The following PCDHA6 variants were observed in gnomAD, a reference collection of about 807,000 sequenced individuals.
PCDHA6 encodes the protein protocadherin alpha 6, also known as protocadherin alpha-6.
In PCDHA6, 55 loss-of-function variants were observed where a neutral mutation model predicts 60.3. The ratio of observed to expected loss-of-function variants is 0.91; its 90% CI spans 0.73 to 1.14. PCDHA6 has a LOEUF of 1.14. PCDHA6 is among the 50% of genes most tolerant of loss of function. The probability of loss-of-function intolerance (pLI) is 0.00; values close to 1 mark genes in which losing one functional copy is unlikely to be tolerated. For synonymous variants in PCDHA6, 652 were observed against 557.9 expected, an observed-to-expected ratio of 1.17 and a Z score of -2.38; for missense variants, 1,327 against 1,256.5, an observed-to-expected ratio of 1.06 and a Z score of -0.85.
intron 3 of PCDHA6, among the ~76,000 whole-genome samples, chr5:141,007,395 C>CAA (rs35800918): frequency 2.8e-4 from 27 of 94,848 alleles, no homozygotes; most frequent in South Asian, 7.0e-4. Context: ...TACTAAAATA[C>CAA]AAAAAAAAAA....
chr5:140,875,876 A>C, intron 1 of PCDHA6: 1 of 1,614,178 alleles, frequency 6.2e-7, no homozygotes, highest in South Asian at 1.1e-5. Flanking sequence ...GTGTTCAGAG[A>C]AAGGGAACAA....
chr5:140,878,060 T>C (rs1251415258), intron 1 of PCDHA6: 2 of 426,090 alleles, frequency 4.7e-6, no homozygotes, highest in Non-Finnish European at 7.6e-6. Flanking sequence ...CCACACTTAA[T>C]ATTTTTCTTT....
At position 141,010,447 on chromosome 5, in the gene PCDHA6, A is replaced by G. The variant is rs1343052000; in HGVS notation, c.*510A>G. On this transcript the variant is annotated 3_prime_UTR_variant, in exon 4 of 4. Coordinates refer to ENST00000529310, the MANE Select transcript of PCDHA6 (RefSeq NM_018909.4). Reference sequence around the variant, plus strand: ...GGCAAGAAAACAAAGACAAATAAACAGCGGAAGTTATCAGTATGGAGGGGA... The same window carrying G: ...GGCAAGAAAACAAAGACAAATAAACGGCGGAAGTTATCAGTATGGAGGGGA... 2 of 935,278 alleles carry G rather than the reference A, an allele frequency of 2.1e-6. No homozygotes were observed. Among genetic ancestry groups the G allele is most frequent in the Non-Finnish European group, 3.1e-6 (2 of 648,428 alleles). The allele number at this position is 935,278 out of a possible 1,614,324, so 57.9% of individuals were successfully genotyped here.
In PCDHA6 at chr5:141,009,476, C is replaced by G. The variant is rs970744618; in HGVS notation, c.2543-151C>G. ...TTAAACAAATAAATAAATAAGTAAA[C>G]ACTTGCCTTGCCCTCAGACTTGAAC... On this transcript the variant is annotated intron_variant, in intron 3 of 3. Coordinates refer to ENST00000529310, the MANE Select transcript of PCDHA6 (RefSeq NM_018909.4). 2.3e-5 allele frequency: 32 copies of G among 1,420,036 alleles called. No individual in the cohort carries two copies. The East Asian group carries it at 7.2e-4, about 32-fold the overall frequency. 88.0% of individuals were successfully genotyped at this position (1,420,036 alleles called of 1,614,324 possible).
chr5:140,947,772 G>A (rs77655739), intron 1 of PCDHA6, among the ~76,000 whole-genome samples: 3,551 of 151,528 alleles, frequency 0.023, 49 homozygotes, highest in Middle Eastern at 0.034. Flanking sequence ...AAATTCTATT[G>A]TAAATGGATT....
intron 1 of PCDHA6, among the ~76,000 whole-genome samples, chr5:140,947,315 C>CGGTT (rs1443576978): frequency 4.0e-5 from 6 of 151,444 alleles, no homozygotes; most frequent in African/African-American, 1.5e-4. Flanking sequence ...TGTAAAAAGT[C>CGGTT]GGTTGACCAT....
chr5:140,848,619 G>T lies in PCDHA6; in HGVS notation c.2394+18134G>T, dbSNP rs545024019. The T allele has an allele frequency of 8.2e-6, 13 of 1,593,396 alleles. No homozygotes were observed. The highest frequency in any genetic ancestry group is 5.4e-5 in the African/African-American group (4 of 74,388). On this transcript the variant is annotated intron_variant, in intron 1 of 3. Coordinates refer to ENST00000529310, the MANE Select transcript of PCDHA6 (RefSeq NM_018909.4). ...CTCCGTCCCGGAGGAAGCCGAACAC[G>T]GCACCTTCGTGGGCCGCATCGCGCA...
At chr5:140,856,776 G>A in intron 1 of PCDHA6, 1 of 1,596,678 alleles carries the variant, frequency 6.3e-7, no homozygotes, top group Non-Finnish European at 8.6e-7. Context: ...ATCTTTGACA[G>A]ACCGGTTTAT....
intron 1 of PCDHA6, among the ~76,000 whole-genome samples, chr5:140,941,226 T>TCTTTCTTTCTTTCTTTCTTTCTTC (rs2092915713): frequency 1.5e-5 from 2 of 135,514 alleles, no homozygotes; most frequent in Admixed American, 7.6e-5. Flanking sequence ...TTTCTTTCTT[T>TCTTTCTTTCTTTCTTTCTTTCTTC]CTTTCTTTCT....
intron 1 of PCDHA6, chr5:140,884,510 T>C: frequency 3.1e-6 from 5 of 1,613,982 alleles, no homozygotes; most frequent in Non-Finnish European, 3.4e-6. Context: ...GGCAGGGAGT[T>C]GGTCGTACTC....
Position 140,829,700 on chromosome 5 carries a change from G to C in PCDHA6, c.1609G>C (p.Ala537Pro), listed in dbSNP as rs188962276. 1 of 1,613,364 alleles carries C rather than the reference G, an allele frequency of 6.2e-7. No individual in the cohort carries two copies. Among genetic ancestry groups the C allele is most frequent in the Admixed American group, 1.7e-5 (1 of 60,002 alleles). The change falls in exon 1 of 4, where the codon GCG becomes CCG. Residue 537 changes from alanine (A) to proline (P), a missense_variant. Transcript: ENST00000529310. ...ELELLQFQVS[A>P]RDAGVPPLGS... is the part of the protein sequence containing the mutation. ...AGAGCTGCTGCAGTTTCAGGTGAGC[G>C]CGCGCGACGCGGGCGTGCCGCCTCT...
Position 140,926,923 on chromosome 5 carries a change from T to C in PCDHA6, c.2395-52026T>C, listed in dbSNP as rs532425369. On this transcript the variant is annotated intron_variant, in intron 1 of 3. Transcript: ENST00000529310. ...GGGCTGTGGGGTGGCAGTTTTATGT[T>C]TGTGGGTTTCCTGCGGCGCTGCAGC... 35 of 1,571,554 alleles carry C rather than the reference T, an allele frequency of 2.2e-5. No homozygotes were observed. The East Asian group carries it at 6.5e-4, about 29-fold the overall frequency.
intron 1 of PCDHA6, chr5:140,966,979 C>T (rs1554229021): frequency 2.5e-6 from 4 of 1,603,612 alleles, no homozygotes; most frequent in Admixed American, 1.7e-5. Context: ...AGCTGCGGCG[C>T]TTGGGGCCGG....
At chr5:140,877,332 C>T (rs2057040352) in intron 1 of PCDHA6, 1 of 1,613,990 alleles carries the variant, frequency 6.2e-7, no homozygotes. Context: ...GCGCGCACAT[C>T]CCGTTCCACG....
chr5:140,903,415 A>T (rs1303652958), intron 1 of PCDHA6, among the ~76,000 whole-genome samples: 1 of 152,238 alleles, frequency 6.6e-6, no homozygotes, highest in East Asian at 1.9e-4. Flanking sequence ...GTCAGGAAAA[A>T]TTCAGCACAA....
chr5:140,941,241 T>TTCTTTCTTTCTTTC (rs1247398838), intron 1 of PCDHA6, among the ~76,000 whole-genome samples: 1 of 140,458 alleles, frequency 7.1e-6, no homozygotes, highest in Non-Finnish European at 1.5e-5. Flanking sequence ...CTTTCTTTCT[T>TTCTTTCTTTCTTTC]TCTTTCTTTC....
intron 1 of PCDHA6, chr5:140,841,994 A>T: frequency 6.2e-6 from 10 of 1,613,788 alleles, no homozygotes; most frequent in Non-Finnish European, 8.5e-6. Flanking sequence ...GCTCACAGGC[A>T]CTGTTCAGCT....
intron 1 of PCDHA6, chr5:140,927,270 C>G: frequency 6.2e-7 from 1 of 1,614,150 alleles, no homozygotes; most frequent in Non-Finnish European, 8.5e-7. Context: ...TCTTTCCTGC[C>G]GGCGACGTGC....
chr5:140,842,007 T>C (rs2150327218), intron 1 of PCDHA6: 2 of 1,613,612 alleles, frequency 1.2e-6, no homozygotes, highest in East Asian at 2.2e-5. Flanking sequence ...GTTCAGCTGC[T>C]GGTCACAGTG....
Sources: gnomAD v4.1 joint callset for allele counts (sites outside exome capture counted in the v4.1 genomes callset) on GRCh38, gnomAD v4.1.1 for gene constraint, MANE v1.5 for transcripts, NCBI Gene and HGNC (gene_info 2026-07-23, HGNC 2026-07-21) for gene names.